COPZ2: variants seen among roughly 807,000 people sequenced by gnomAD.
COPZ2 encodes the protein coatomer subunit zeta-2.
COPZ2 carries 30 observed loss-of-function variants against 33.2 expected under a neutral mutation model. The observed-to-expected ratio is 0.90, with a 90% CI of 0.68 to 1.23. COPZ2 has a LOEUF of 1.23. Ranked by LOEUF, COPZ2 falls within the 50% of genes most tolerant of loss-of-function variation. The pLI is 0.00. For synonymous variants in COPZ2, 89 were observed against 102.6 expected, an observed-to-expected ratio of 0.87 and a Z score of 0.80; for missense variants, 263 against 262.4, an observed-to-expected ratio of 1.00 and a Z score of -0.02.
the COPZ2 span, chr17:48,047,509 G>C: frequency 6.6e-6 from 1 of 152,144 alleles, no homozygotes; most frequent in Non-Finnish European, 1.5e-5. Flanking sequence ...TGGGACTGGA[G>C]AAATTAAAAA....
chr17:48,030,667 G>C (rs1398742583), intron 6 of COPZ2, among the ~76,000 whole-genome samples: 1 of 152,220 alleles, frequency 6.6e-6, no homozygotes, highest in African/African-American at 2.4e-5. Context: ...GAGCATCCCA[G>C]GCCAAGGCTC....
At chr17:48,032,603 C>T in intron 5 of COPZ2, 83 bp downstream of exon 5, 2 of 1,128,802 alleles carry the variant, frequency 1.8e-6, no homozygotes, top group East Asian at 2.6e-5. Context: ...GTGGGGACTT[C>T]AGGAGAAAAA....
chr17:48,041,760 A>G (rs968460997), upstream of COPZ2, among the ~76,000 whole-genome samples: 1 of 151,938 alleles, frequency 6.6e-6, no homozygotes, highest in Non-Finnish European at 1.5e-5. Flanking sequence ...TTTCTAAAAA[A>G]TACTGATTTG....
At chr17:48,044,228 T>C in the COPZ2 span, among the ~76,000 whole-genome samples, 1 of 151,994 alleles carries the variant, frequency 6.6e-6, no homozygotes, top group Admixed American at 6.6e-5. Flanking sequence ...GCACCTTTAA[T>C]ACCAGCCACT....
chr17:48,047,050 G>A, the COPZ2 span: 2 of 152,138 alleles, frequency 1.3e-5, no homozygotes, highest in East Asian at 3.8e-4. Context: ...AGAATTCCAT[G>A]AGTGGTTTGC....
intron 2 of COPZ2, among the ~76,000 whole-genome samples, chr17:48,035,542 C>T (rs2036966901): frequency 6.6e-6 from 1 of 152,034 alleles, no homozygotes. Context: ...ACTACAGGCA[C>T]ACACCACCAC....
intron 2 of COPZ2, among the ~76,000 whole-genome samples, chr17:48,034,753 C>T (rs905955879): frequency 3.3e-5 from 5 of 152,216 alleles, no homozygotes; most frequent in Middle Eastern, 3.4e-3. Flanking sequence ...GAGGCCGAGG[C>T]GGGTGGATCA....
chr17:48,042,258 T>G (rs2037069636), upstream of COPZ2, among the ~76,000 whole-genome samples: 1 of 150,804 alleles, frequency 6.6e-6, no homozygotes, highest in African/African-American at 2.4e-5. Context: ...CTCAGTCTCC[T>G]GAGTAGCTGG....
At chr17:48,036,791 T>C (rs866932244) in intron 2 of COPZ2, 60 bp downstream of exon 2, 4 of 1,515,872 alleles carry the variant, frequency 2.6e-6, no homozygotes, top group Middle Eastern at 3.4e-4. Context: ...GAGTTTCTCC[T>C]GAGACAGGAG....
At chr17:48,033,569 G>T (rs976192227) in intron 3 of COPZ2, among the ~76,000 whole-genome samples, 1 of 152,168 alleles carries the variant, frequency 6.6e-6, no homozygotes, top group Non-Finnish European at 1.5e-5. Flanking sequence ...CCCACCCTGT[G>T]CAGCACCTTG....
intron 2 of COPZ2, 43 bp downstream of exon 2, chr17:48,036,808 C>T (rs2036989466): frequency 6.3e-7 from 1 of 1,579,290 alleles, no homozygotes; most frequent in African/African-American, 1.3e-5. Flanking sequence ...GGAGTGTCAG[C>T]TGAGTGGGAA....
chr17:48,036,719 G>T, intron 2 of COPZ2, 132 bp downstream of exon 2: 1 of 722,928 alleles, frequency 1.4e-6, no homozygotes, highest in Non-Finnish European at 2.4e-6. Context: ...CAAGGCAGGA[G>T]GATGAGAAGG....
At chr17:48,035,975 G>A (rs1305051100) in intron 2 of COPZ2, among the ~76,000 whole-genome samples, 4 of 151,738 alleles carry the variant, frequency 2.6e-5, no homozygotes, top group African/African-American at 9.7e-5. Flanking sequence ...GGCTGGTTTC[G>A]AACTCCTGAC....
upstream of COPZ2, chr17:48,037,971 C>A (rs567318730): frequency 9.9e-6 from 6 of 603,590 alleles, no homozygotes; most frequent in Admixed American, 3.9e-4. This position sits in a 1 kb window ranked among gnomAD's most constrained non-coding sequence, Gnocchi z 5.6. Flanking sequence ...CTCTCCCTCT[C>A]TCCTCCTTGG....
chr17:48,033,448 A>G (rs1389699918), intron 3 of COPZ2, 146 bp from the exon 4 acceptor site: 1 of 637,298 alleles, frequency 1.6e-6, no homozygotes, highest in African/African-American at 1.8e-5. Flanking sequence ...GGACACTACC[A>G]TCAGGCAGCC....
rs1440384400 is a variant in COPZ2 at position 48,029,648 on chromosome 17, A to G, written c.495-472T>C. Among the ~76,000 whole-genome samples the G allele has an allele frequency of 2.8e-5, 4 of 143,464 alleles. No individual in the cohort carries two copies. The East Asian group carries it at 8.4e-4, about 30-fold the overall frequency. The allele number at this position is 143,464 out of a possible 152,430, so 94.1% of individuals were successfully genotyped here. A position where few individuals can be genotyped will look rare whatever the true frequency, so the allele number is the denominator to read the frequency against. The stretch of plus-strand genomic sequence containing the variant: ...AATGAAACTCCAAAAATCAGCATCT[A>G]CCTTCTCCCCTACTTCCTCCCTTTT... On this transcript the variant is annotated intron_variant, in intron 6 of 8. Coordinates refer to ENST00000621465, the MANE Select transcript of COPZ2 (RefSeq NM_016429.4).
chr17:48,030,021 C>T (rs1287795638), intron 6 of COPZ2, among the ~76,000 whole-genome samples: 1 of 151,184 alleles, frequency 6.6e-6, no homozygotes, highest in South Asian at 2.1e-4. Context: ...CACAGTGGCT[C>T]ACGCCTGCAA....
chr17:48,029,343 G>A, intron 6 of COPZ2, 167 bp from the exon 7 acceptor site: 1 of 692,952 alleles, frequency 1.4e-6, no homozygotes, highest in Middle Eastern at 3.8e-4. Context: ...CCTCAGCATG[G>A]AGAGCCCTCA....
upstream of COPZ2, among the ~76,000 whole-genome samples, chr17:48,038,308 AT>A (rs1267395434): frequency 6.6e-6 from 1 of 152,156 alleles, no homozygotes; most frequent in Admixed American, 6.5e-5. Context: ...GAAGGCAACC[AT>A]GGGCCCGGAG....
Sources: gnomAD v4.1 joint callset for allele counts (sites outside exome capture counted in the v4.1 genomes callset) on GRCh38, gnomAD v4.1.1 for gene constraint, Gnocchi (gnomAD v3.1) non-coding constraint, MANE v1.5 for transcripts, NCBI Gene and HGNC (gene_info 2026-07-23, HGNC 2026-07-21) for gene names.